PLPPR1: variants seen among roughly 807,000 people sequenced by gnomAD.
PLPPR1 encodes the protein phospholipid phosphatase-related protein type 1.
In PLPPR1, 10 loss-of-function variants were observed where a neutral mutation model predicts 33.1. The observed-to-expected ratio is 0.30, with a 90% confidence interval of 0.19 to 0.51. The LOEUF is 0.51. PLPPR1 is among the 20% of genes least tolerant of loss of function. The pLI is 0.97. For missense variants in PLPPR1, 304 were observed against 408.1 expected, an observed-to-expected ratio of 0.74 and a Z score of 2.20; for synonymous variants, 151 against 151.0, an observed-to-expected ratio of 1.00 and a Z score of 0.00.
At chr9:101,045,237 A>C (rs1426327729) in intron 1 of PLPPR1, among the ~76,000 whole-genome samples, 1 of 152,252 alleles carries the variant, frequency 6.6e-6, no homozygotes, top group Non-Finnish European at 1.5e-5. Flanking sequence ...GACCCGAATC[A>C]CTAGGAAAAT....
At chr9:101,045,113 G>C (rs1830128888) in intron 1 of PLPPR1, among the ~76,000 whole-genome samples, 1 of 152,162 alleles carries the variant, frequency 6.6e-6, no homozygotes, top group Admixed American at 6.5e-5. Flanking sequence ...GAAGCACCAA[G>C]GTCTTGCCAG....
At chr9:101,213,467 A>G (rs1423989628) in intron 2 of PLPPR1, among the ~76,000 whole-genome samples, 1 of 152,220 alleles carries the variant, frequency 6.6e-6, no homozygotes, top group Non-Finnish European at 1.5e-5. Flanking sequence ...GTGCAGAAGC[A>G]TATAAAATTT....
At chr9:101,157,388 T>A (rs7867688) in intron 1 of PLPPR1, among the ~76,000 whole-genome samples, 5 of 152,152 alleles carry the variant, frequency 3.3e-5, no homozygotes, top group African/African-American at 1.2e-4. Context: ...ATATATGAAC[T>A]GTAGACATCT....
At chr9:101,049,511 T>A (rs1223431877) in intron 1 of PLPPR1, among the ~76,000 whole-genome samples, 1 of 152,224 alleles carries the variant, frequency 6.6e-6, no homozygotes, top group Non-Finnish European at 1.5e-5. Flanking sequence ...TGCCAGGCAC[T>A]ATTCCAAGTA....
intron 1 of PLPPR1, among the ~76,000 whole-genome samples, chr9:101,100,380 G>T (rs1417251852): frequency 6.6e-6 from 1 of 151,922 alleles, no homozygotes; most frequent in African/African-American, 2.4e-5. Flanking sequence ...AAAGGAATAA[G>T]AATTAGGTTT....
chr9:101,034,733 G>A (rs1224357744), intron 1 of PLPPR1, among the ~76,000 whole-genome samples: 2 of 151,996 alleles, frequency 1.3e-5, no homozygotes, highest in African/African-American at 4.8e-5. Context: ...AAGTGTGATA[G>A]CAGTGAGGTT....
chr9:101,266,355 C>CA (rs1827994397), intron 2 of PLPPR1, among the ~76,000 whole-genome samples: 1 of 148,868 alleles, frequency 6.7e-6, no homozygotes, highest in South Asian at 2.1e-4. Context: ...GAGATCCTGC[C>CA]ACTGCACTCC....
intron 2 of PLPPR1, among the ~76,000 whole-genome samples, chr9:101,213,385 T>A (rs1826722884): frequency 6.6e-6 from 1 of 152,200 alleles, no homozygotes; most frequent in Admixed American, 6.5e-5. Context: ...AAGCACTATA[T>A]TAAATTCAAA....
chr9:101,112,765 A>G (rs2987740), intron 1 of PLPPR1, among the ~76,000 whole-genome samples: 87,044 of 152,068 alleles, frequency 0.57, 25,140 homozygotes, highest in East Asian at 0.74. Context: ...TCTAACTGTG[A>G]AACATCTGAG....
At chr9:101,156,527 G>T (rs1456656157) in intron 1 of PLPPR1, among the ~76,000 whole-genome samples, 2 of 142,526 alleles carry the variant, frequency 1.4e-5, no homozygotes, top group African/African-American at 5.3e-5. Context: ...CTCCAGCCTG[G>T]GTGATGGGAG....
intron 2 of PLPPR1, among the ~76,000 whole-genome samples, chr9:101,245,716 G>T (rs2118856278): frequency 6.6e-6 from 1 of 151,958 alleles, no homozygotes; most frequent in East Asian, 2.0e-4. Flanking sequence ...TTACTTGTCT[G>T]ATCTTTGGTT....
At chr9:101,144,633 T>C (rs1831499196) in intron 1 of PLPPR1, among the ~76,000 whole-genome samples, 2 of 152,120 alleles carry the variant, frequency 1.3e-5, no homozygotes, top group Admixed American at 6.5e-5. Context: ...TCTAGAACTA[T>C]GAGAAGATTA....
At position 101,041,706 on chromosome 9, in the gene PLPPR1, G is replaced by A. The variant is rs530032905; in HGVS notation, c.-46+12604G>A. ...ATAAAGAAGCTTTGGACTACTTGAA[G>A]TTGTGCCTGGAGTCCCTCCTGGGGA... On this transcript the variant is annotated intron_variant, in intron 1 of 7. Transcript: ENST00000374874. 4.6e-5 allele frequency among the ~76,000 whole-genome samples: 7 copies of A among 152,280 alleles called. No homozygotes were observed. The East Asian group carries it at 1.4e-3, about 29-fold the overall frequency.
chr9:101,110,548 C>G (rs890205413), intron 1 of PLPPR1, among the ~76,000 whole-genome samples: 3 of 152,038 alleles, frequency 2.0e-5, no homozygotes, highest in Non-Finnish European at 4.4e-5. Context: ...TACTGTCTAT[C>G]AATTGTGGAC....
At chr9:101,215,025 TAAA>T (rs771958048) in intron 2 of PLPPR1, among the ~76,000 whole-genome samples, 2 of 111,604 alleles carry the variant, frequency 1.8e-5, no homozygotes, top group African/African-American at 3.3e-5. Flanking sequence ...TCCATGAAAT[TAAA>T]AAAAAAAAAA....
intron 2 of PLPPR1, among the ~76,000 whole-genome samples, chr9:101,210,636 T>C (rs1826673219): frequency 6.6e-6 from 1 of 152,238 alleles, no homozygotes; most frequent in Admixed American, 6.5e-5. Context: ...GAGAGGCATT[T>C]AAAATCTAGA....
chr9:101,254,602 A>G (rs559526450), intron 2 of PLPPR1, among the ~76,000 whole-genome samples: 7 of 152,276 alleles, frequency 4.6e-5, no homozygotes, highest in African/African-American at 1.4e-4. Flanking sequence ...CCTTATGCTA[A>G]TAACTTAAAC....
At chr9:101,265,580 T>C (rs1265246248) in intron 2 of PLPPR1, among the ~76,000 whole-genome samples, 1 of 151,950 alleles carries the variant, frequency 6.6e-6, no homozygotes, top group Non-Finnish European at 1.5e-5. Flanking sequence ...AAGAAAGGAG[T>C]ATGCTGATGG....
chr9:101,149,400 C>T (rs1831556606), intron 1 of PLPPR1, among the ~76,000 whole-genome samples: 1 of 152,156 alleles, frequency 6.6e-6, no homozygotes, highest in African/African-American at 2.4e-5. Flanking sequence ...TCTATGAGGA[C>T]TCCAGAACTC....
Sources: allele counts gnomAD v4.1 joint callset (sites outside exome capture counted in the v4.1 genomes callset), GRCh38; gene constraint gnomAD v4.1.1; transcripts MANE v1.5; gene names NCBI Gene and HGNC (gene_info 2026-07-23, HGNC 2026-07-21).